The following HTR2C variants were observed in gnomAD, a reference collection of about 807,000 sequenced individuals.
The protein encoded by HTR2C is 5-hydroxytryptamine (serotonin) receptor 2C, G protein-coupled.
Under a neutral mutation model 21.0 loss-of-function variants are expected in HTR2C, and 5 were observed. The observed-to-expected ratio is 0.24, with a 90% CI of 0.12 to 0.50. The LOEUF is 0.50. Ranked by LOEUF, HTR2C falls within the 20% of genes least tolerant of loss-of-function variation. HTR2C has a pLI of 0.98. For missense variants in HTR2C, 271 were observed against 371.2 expected (o/e 0.73, Z 2.22); for synonymous variants, 150 against 145.3 (o/e 1.03, Z -0.23).
At chrX:114,700,767 T>C (rs144645997) in intron 2 of HTR2C, among the ~76,000 whole-genome samples, 1 of 112,485 alleles carries the variant, frequency 8.9e-6, no homozygotes, top group Non-Finnish European at 1.9e-5. Context: ...ATTGCCTCAC[T>C]CGGGAAGCCC....
chrX:114,621,870 C>T (rs1205737753), intron 2 of HTR2C, among the ~76,000 whole-genome samples: 1 of 111,615 alleles, frequency 9.0e-6, no homozygotes, highest in South Asian at 3.7e-4. Context: ...GTAGTGATGT[C>T]AGGTGAGCAT....
At chrX:114,806,140 C>T (rs2070426771) in intron 4 of HTR2C, among the ~76,000 whole-genome samples, 1 of 98,445 alleles carries the variant, frequency 1.0e-5, no homozygotes, top group Non-Finnish European at 2.0e-5. Flanking sequence ...TACATATATA[C>T]ACCCTATATA....
chrX:114,853,281 C>A (rs1254056304), intron 5 of HTR2C, among the ~76,000 whole-genome samples: 1 of 111,238 alleles, frequency 9.0e-6, no homozygotes, highest in Admixed American at 9.6e-5. Flanking sequence ...GTTATAGACA[C>A]TAACCATTTA....
chrX:114,885,790 A>T (rs1433916922), intron 5 of HTR2C, among the ~76,000 whole-genome samples: 1 of 111,617 alleles, frequency 9.0e-6, no homozygotes, highest in Admixed American at 9.6e-5. Context: ...AGAAAAATAA[A>T]TTTTATGTGA....
At chrX:114,716,387 C>A (rs1049443035) in intron 2 of HTR2C, among the ~76,000 whole-genome samples, 1 of 111,887 alleles carries the variant, frequency 8.9e-6, no homozygotes, top group Non-Finnish European at 1.9e-5. Context: ...CATAATTTAA[C>A]AATAATCACG....
chrX:114,860,350 A>G (rs2147500782), intron 5 of HTR2C, among the ~76,000 whole-genome samples: 1 of 110,942 alleles, frequency 9.0e-6, no homozygotes, highest in Non-Finnish European at 1.9e-5. Flanking sequence ...ACACTTTTAT[A>G]GTTATGAAAT....
intron 4 of HTR2C, among the ~76,000 whole-genome samples, chrX:114,799,920 G>A (rs2070330045): frequency 9.0e-6 from 1 of 111,274 alleles, no homozygotes; most frequent in South Asian, 3.7e-4. Context: ...GAATATATCA[G>A]TTCAGAAGTC....
intron 2 of HTR2C, among the ~76,000 whole-genome samples, chrX:114,725,780 G>A (rs1355738324): frequency 9.0e-6 from 1 of 110,936 alleles, no homozygotes; most frequent in Non-Finnish European, 1.9e-5. Context: ...GGCCGTGTGA[G>A]GTGTCAGTCT....
At chrX:114,727,413 A>G (rs1239125545) in intron 3 of HTR2C, among the ~76,000 whole-genome samples, 1 of 111,769 alleles carries the variant, frequency 8.9e-6, no homozygotes, top group African/African-American at 3.2e-5. Context: ...ATGTAGCTGG[A>G]TGGGAAAAAC....
chrX:114,685,906 A>G (rs1269701223), intron 2 of HTR2C, among the ~76,000 whole-genome samples: 1 of 111,569 alleles, frequency 9.0e-6, no homozygotes, highest in East Asian at 2.8e-4. Context: ...ATAGAAAATG[A>G]TTATATTTAA....
chrX:114,850,136 C>G (rs2070904974), intron 5 of HTR2C, among the ~76,000 whole-genome samples: 1 of 111,634 alleles, frequency 9.0e-6, no homozygotes, highest in Non-Finnish European at 1.9e-5. Flanking sequence ...AAGGGCCAGG[C>G]AGTGTCTTAC....
intron 5 of HTR2C, among the ~76,000 whole-genome samples, chrX:114,881,265 A>G (rs1033628823): frequency 1.7e-4 from 19 of 111,289 alleles, no homozygotes; most frequent in Admixed American, 4.8e-4. Flanking sequence ...TGAAAGACAC[A>G]TAATGATTTG....
At chrX:114,732,491 G>A (rs1368606509) in intron 4 of HTR2C, among the ~76,000 whole-genome samples, 1 of 110,384 alleles carries the variant, frequency 9.1e-6, no homozygotes, top group Admixed American at 9.8e-5. Context: ...TCTAGTTGTC[G>A]AATCCTAAAA....
At chrX:114,786,329 T>C (rs918449798) in intron 4 of HTR2C, among the ~76,000 whole-genome samples, 1 of 111,922 alleles carries the variant, frequency 8.9e-6, no homozygotes, top group African/African-American at 3.3e-5. Context: ...GTGTATAGCC[T>C]ACAGAAAGGG....
chrX:114,909,948 A>C lies in HTR2C; in HGVS notation c.*2533A>C, dbSNP rs1184121725. 1 of 112,083 alleles carries C rather than the reference A, an allele frequency of 8.9e-6. No homozygotes were observed. The highest frequency in any genetic ancestry group is 3.3e-5 in the African/African-American group (1 of 30,707). The allele number at this position is 112,083 out of a possible 1,213,427, so 9.2% of individuals were successfully genotyped here. A position where few individuals can be genotyped will look rare whatever the true frequency, so the allele number is the denominator to read the frequency against. ...TTTCTGTAATTCTTCTCCTTTGTCA[A>C]ATGGTATTTTTTGTGAATGGTTGCA... On this transcript the variant is annotated 3_prime_UTR_variant, in exon 6 of 6. Coordinates refer to ENST00000276198, the MANE Select transcript of HTR2C (RefSeq NM_000868.4).
In HTR2C at chrX:114,782,159, T is replaced by A. The variant is rs907508665; in HGVS notation, c.349+50552T>A. On this transcript the variant is annotated intron_variant, in intron 4 of 5. Transcript: ENST00000276198. ...AAAAAAAAAAGCCAAAATAATATATTCAATATGTTAAATGAAAATAACTGC... is the reference window on the plus strand; with the variant it reads ...AAAAAAAAAAGCCAAAATAATATATACAATATGTTAAATGAAAATAACTGC... Among the ~76,000 whole-genome samples the A allele has an allele frequency of 1.8e-4, 19 of 106,293 alleles. No individual in the cohort carries two copies. In the Admixed American group the frequency reaches 1.9e-3, roughly 11 times the overall value. The allele number at this position is 106,293 out of a possible 115,157, so 92.3% of individuals were successfully genotyped here.
intron 4 of HTR2C, among the ~76,000 whole-genome samples, chrX:114,839,572 A>G (rs1250393674): frequency 9.0e-6 from 1 of 110,908 alleles, no homozygotes; most frequent in Non-Finnish European, 1.9e-5. Flanking sequence ...CTGTAGTCCC[A>G]GCTACTCAGG....
chrX:114,801,711 A>G (rs1402660268), intron 4 of HTR2C, among the ~76,000 whole-genome samples: 1 of 111,232 alleles, frequency 9.0e-6, no homozygotes, highest in Non-Finnish European at 1.9e-5. Context: ...GTGTTCGTTT[A>G]TGGGGTGTAC....
Position 114,796,823 on chromosome X carries a change from G to A in HTR2C, c.350-51180G>A, listed in dbSNP as rs1220509983. On this transcript the variant is annotated intron_variant, in intron 4 of 5. Coordinates refer to ENST00000276198, the MANE Select transcript of HTR2C (RefSeq NM_000868.4). ...CCAGTGATCACGTACAAGGGCAAAAGCTACTGTTATCTGAGGATAGAATGC... is the reference window on the plus strand; with the variant it reads ...CCAGTGATCACGTACAAGGGCAAAAACTACTGTTATCTGAGGATAGAATGC... Among the ~76,000 whole-genome samples the A allele has an allele frequency of 3.6e-5, 4 of 111,357 alleles. No homozygotes were observed. In the Admixed American group the frequency reaches 3.9e-4, roughly 11 times the overall value.
Sources: allele counts gnomAD v4.1 joint callset (sites outside exome capture counted in the v4.1 genomes callset), GRCh38; gene constraint gnomAD v4.1.1; transcripts MANE v1.5; gene names NCBI Gene and HGNC (gene_info 2026-07-23, HGNC 2026-07-21).